Variants in JAKMIP2 observed in about 807,000 individuals in gnomAD.
JAKMIP2 encodes the protein janus kinase and microtubule-interacting protein 2.
In JAKMIP2, 25 loss-of-function variants were observed where a neutral mutation model predicts 115.0. That is an observed-to-expected ratio of 0.22 (90% CI 0.16 to 0.30). JAKMIP2 has a LOEUF of 0.30. Among genes scored for constraint, JAKMIP2 ranks in the 10% least tolerant of loss-of-function variants. JAKMIP2 has a pLI of 1.00. For synonymous variants in JAKMIP2, 334 were observed against 343.6 expected, an observed-to-expected ratio of 0.97 and a Z score of 0.31; for missense variants, 642 against 957.6, an observed-to-expected ratio of 0.67 and a Z score of 4.35.
At chr5:147,719,121 G>T (rs1316604427) in intron 1 of JAKMIP2, among the ~76,000 whole-genome samples, 1 of 133,720 alleles carries the variant, frequency 7.5e-6, no homozygotes, top group African/African-American at 3.0e-5. Context: ...TAGTCATTCA[G>T]GAGCAGGTTG....
chr5:147,693,295 G>T (rs1751957767), intron 1 of JAKMIP2, among the ~76,000 whole-genome samples: 1 of 152,162 alleles, frequency 6.6e-6, no homozygotes, highest in Non-Finnish European at 1.5e-5. Flanking sequence ...CAGAGTAGTT[G>T]TTTGGATGCA....
chr5:147,755,178 C>G (rs1286745730), intron 1 of JAKMIP2, among the ~76,000 whole-genome samples: 1 of 152,150 alleles, frequency 6.6e-6, no homozygotes, highest in Non-Finnish European at 1.5e-5. Context: ...GGCAAATCTA[C>G]TAGGAGGTTA....
intron 2 of JAKMIP2, among the ~76,000 whole-genome samples, chr5:147,665,666 G>A (rs183510544): frequency 6.6e-6 from 1 of 152,212 alleles, no homozygotes; most frequent in East Asian, 1.9e-4. Flanking sequence ...ATCCTTCTGA[G>A]GATTTTTGAT....
chr5:147,674,067 A>G (rs1759786810), intron 1 of JAKMIP2, among the ~76,000 whole-genome samples: 1 of 152,174 alleles, frequency 6.6e-6, no homozygotes, highest in South Asian at 2.1e-4. Context: ...ACTTGAATAG[A>G]TCTGATTGGC....
At chr5:147,608,187 G>A (rs992478956) in intron 20 of JAKMIP2, among the ~76,000 whole-genome samples, 2 of 152,034 alleles carry the variant, frequency 1.3e-5, no homozygotes, top group Admixed American at 1.3e-4. Flanking sequence ...GTTTTGCTCT[G>A]ATCTTAGTTA....
chr5:147,667,825 G>A (rs1366323865), intron 2 of JAKMIP2, among the ~76,000 whole-genome samples: 1 of 152,138 alleles, frequency 6.6e-6, no homozygotes, highest in Non-Finnish European at 1.5e-5. Context: ...GTATCTGGAG[G>A]CTGTGGGGAC....
chr5:147,702,703 GAAAAAAAA>G (rs141121839), intron 1 of JAKMIP2, among the ~76,000 whole-genome samples: 1 of 137,016 alleles, frequency 7.3e-6, no homozygotes, highest in African/African-American at 2.9e-5. Context: ...GAAAAGAAAA[GAAAAAAAA>G]AGAGCAGAAG....
At chr5:147,763,710 A>G (rs1352917345) in intron 1 of JAKMIP2, among the ~76,000 whole-genome samples, 1 of 152,144 alleles carries the variant, frequency 6.6e-6, no homozygotes, top group Non-Finnish European at 1.5e-5. Flanking sequence ...AGTTCCTGGT[A>G]AACAGGAGTA....
At chr5:147,725,651 G>A (rs1433072513) in intron 1 of JAKMIP2, among the ~76,000 whole-genome samples, 1 of 152,074 alleles carries the variant, frequency 6.6e-6, no homozygotes, top group East Asian at 1.9e-4. Context: ...AGACAGAGAA[G>A]GTTAAAGGCC....
chr5:147,733,409 A>G (rs1024752493), intron 1 of JAKMIP2, among the ~76,000 whole-genome samples: 7 of 152,146 alleles, frequency 4.6e-5, no homozygotes, highest in African/African-American at 1.4e-4. Flanking sequence ...TTTGCTCCCT[A>G]TGCCTTCTGG....
intron 1 of JAKMIP2, among the ~76,000 whole-genome samples, chr5:147,702,616 GAAAGAAAGAAAGAA>G (rs1752396571): frequency 1.7e-5 from 1 of 59,608 alleles, no homozygotes; most frequent in Non-Finnish European, 3.5e-5. Flanking sequence ...AAGAAAGAAA[GAAAGAAAGAAAGAA>G]AGAAAGAAAG....
intron 1 of JAKMIP2, among the ~76,000 whole-genome samples, chr5:147,712,509 T>C (rs1360398755): frequency 6.6e-6 from 1 of 152,132 alleles, no homozygotes; most frequent in Non-Finnish European, 1.5e-5. Context: ...TGAAACCCAT[T>C]GAAAAAATAG....
intron 1 of JAKMIP2, among the ~76,000 whole-genome samples, chr5:147,692,946 A>T (rs759219395): frequency 3.3e-5 from 5 of 152,222 alleles, no homozygotes; most frequent in Non-Finnish European, 7.3e-5. Flanking sequence ...TGTTAGAGAA[A>T]ATGAATGCTT....
intron 5 of JAKMIP2, among the ~76,000 whole-genome samples, chr5:147,646,543 C>T (rs996772862): frequency 6.6e-6 from 1 of 151,840 alleles, no homozygotes; most frequent in Non-Finnish European, 1.5e-5. Context: ...TCCCACAATA[C>T]CCAACAAAAT....
At chr5:147,672,983 C>A (rs1435092266) in intron 1 of JAKMIP2, among the ~76,000 whole-genome samples, 1 of 152,152 alleles carries the variant, frequency 6.6e-6, no homozygotes, top group Admixed American at 6.5e-5. Context: ...CTTTTTTCAG[C>A]AAGCAATGGG....
chr5:147,617,163 T>C (rs1756627804), intron 19 of JAKMIP2, among the ~76,000 whole-genome samples: 1 of 152,182 alleles, frequency 6.6e-6, no homozygotes, highest in African/African-American at 2.4e-5. Flanking sequence ...TAGTAGTGGG[T>C]GCCTATTTTG....
intron 21 of JAKMIP2, among the ~76,000 whole-genome samples, chr5:147,592,909 A>T (rs935687596): frequency 6.6e-6 from 1 of 152,214 alleles, no homozygotes; most frequent in Non-Finnish European, 1.5e-5. Flanking sequence ...TCCCAAGACA[A>T]GGTTAGACTG....
In JAKMIP2 at chr5:147,629,854, G is replaced by T; in HGVS notation, c.1876-108C>A. ...ACATTTTAGGGCCTGAACTTCCTTG[G>T]GATGTTTTCAATCTGGCACACCTAG... On this transcript the variant is annotated intron_variant, in intron 14 of 21. Transcript: ENST00000616793. The T allele has an allele frequency of 6.2e-6, 5 of 800,186 alleles. No individual in the cohort carries two copies. The East Asian group carries it at 8.0e-5, about 13-fold the overall frequency. 49.6% of individuals were successfully genotyped at this position (800,186 alleles called of 1,614,324 possible).
rs138304445 is a variant in JAKMIP2, at chr5:147,625,915, A to T, written c.1996-2226T>A. ...GTAGAATGGTTGTAAGGAACAGTACATAAGTACATAATGTACTTATGGCAT... is the reference window on the plus strand; with the variant it reads ...GTAGAATGGTTGTAAGGAACAGTACTTAAGTACATAATGTACTTATGGCAT... On this transcript the variant is annotated intron_variant, in intron 16 of 21. Transcript: ENST00000616793. 2.9e-3 allele frequency among the ~76,000 whole-genome samples: 442 copies of T among 152,324 alleles called. 1 individual carries two copies. The highest frequency in any genetic ancestry group is 6.7e-3 in the Admixed American group (103 of 15,298).
Sources: gnomAD v4.1 joint callset for allele counts (sites outside exome capture counted in the v4.1 genomes callset) on GRCh38, gnomAD v4.1.1 for gene constraint, MANE v1.5 for transcripts, NCBI Gene and HGNC (gene_info 2026-07-23, HGNC 2026-07-21) for gene names.